CACNA2D3: variants seen among roughly 807,000 people sequenced by gnomAD.
CACNA2D3 encodes the protein voltage-dependent calcium channel subunit alpha-2/delta-3.
CACNA2D3 carries 60 observed loss-of-function variants against 160.6 expected under a neutral mutation model. That is an observed-to-expected ratio of 0.37 (90% CI 0.30 to 0.46). The LOEUF (loss-of-function observed/expected upper bound fraction) is 0.46, where lower values mean the gene tolerates loss of function less well. Among genes scored for constraint, CACNA2D3 ranks in the 20% least tolerant of loss-of-function variants. The pLI is 1.00. For synonymous variants in CACNA2D3, 558 were observed against 492.9 expected (o/e 1.13, Z -1.75); for missense variants, 1,205 against 1,365.0 (o/e 0.88, Z 1.85).
intron 18 of CACNA2D3, among the ~76,000 whole-genome samples, chr3:54,872,940 C>T (rs1192479482): frequency 6.6e-6 from 1 of 152,024 alleles, no homozygotes; most frequent in East Asian, 2.0e-4. Context: ...TGTCCTGCAC[C>T]TAATGTGCCC....
At chr3:54,910,473 T>C (rs1700532316) in intron 27 of CACNA2D3, among the ~76,000 whole-genome samples, 1 of 152,194 alleles carries the variant, frequency 6.6e-6, no homozygotes, top group African/African-American at 2.4e-5. Context: ...TGTCGTGGCC[T>C]ATTAGCAGTG....
intron 13 of CACNA2D3, among the ~76,000 whole-genome samples, chr3:54,782,862 A>G (rs1575472958): frequency 6.6e-6 from 1 of 152,178 alleles, no homozygotes; most frequent in East Asian, 1.9e-4. Flanking sequence ...CTAACGGTGG[A>G]GTAGGGCAGG....
At chr3:54,434,631 C>CT (rs1438382772) in intron 4 of CACNA2D3, among the ~76,000 whole-genome samples, 2 of 152,190 alleles carry the variant, frequency 1.3e-5, no homozygotes, top group African/African-American at 4.8e-5. Flanking sequence ...TGGCAGTCCT[C>CT]TGACAGCATG....
chr3:54,966,817 T>TCAAACAAA (rs113213084), intron 27 of CACNA2D3: 2 of 152,396 alleles, frequency 1.3e-5, no homozygotes, highest in African/African-American at 4.8e-5. Flanking sequence ...AGATTCTGTC[T>TCAAACAAA]CAAACAAACA....
chr3:55,068,399 T>C (rs1260054130), intron 35 of CACNA2D3, among the ~76,000 whole-genome samples: 2 of 152,234 alleles, frequency 1.3e-5, no homozygotes, highest in Non-Finnish European at 2.9e-5. Context: ...AGACACTTCA[T>C]ATGTTCTTCC....
intron 4 of CACNA2D3, among the ~76,000 whole-genome samples, chr3:54,467,304 A>G (rs1700646410): frequency 6.6e-6 from 1 of 152,202 alleles, no homozygotes; most frequent in Non-Finnish European, 1.5e-5. Context: ...TGAACTGTAA[A>G]GTGTGACCAG....
intron 2 of CACNA2D3, among the ~76,000 whole-genome samples, chr3:54,142,162 G>C (rs1395257488): frequency 1.3e-5 from 2 of 152,142 alleles, no homozygotes; most frequent in East Asian, 3.9e-4. Flanking sequence ...CCTTTGTGCT[G>C]CTGTGACCCT....
At chr3:54,317,280 G>C (rs1351123215) in intron 2 of CACNA2D3, among the ~76,000 whole-genome samples, 1 of 152,222 alleles carries the variant, frequency 6.6e-6, no homozygotes, top group Non-Finnish European at 1.5e-5. Context: ...CCACCTCTGA[G>C]GCCAATCCAG....
intron 3 of CACNA2D3, among the ~76,000 whole-genome samples, chr3:54,386,322 C>A (rs1699185309): frequency 6.6e-6 from 1 of 152,106 alleles, no homozygotes; most frequent in African/African-American, 2.4e-5. Flanking sequence ...AGAAAGCTAG[C>A]CCACTTAAAG....
intron 2 of CACNA2D3, among the ~76,000 whole-genome samples, chr3:54,162,855 A>G (rs1335428548): frequency 6.6e-6 from 1 of 152,210 alleles, no homozygotes; most frequent in African/African-American, 2.4e-5. Context: ...ATGGATGAGG[A>G]ACAATGAAAT....
chr3:54,306,985 A>C (rs192251612), intron 2 of CACNA2D3, among the ~76,000 whole-genome samples: 1 of 152,224 alleles, frequency 6.6e-6, no homozygotes, highest in East Asian at 1.9e-4. Flanking sequence ...CCCTGCCGAC[A>C]CAAAGATCAA....
At chr3:54,304,886 T>C (rs901739550) in intron 2 of CACNA2D3, among the ~76,000 whole-genome samples, 4 of 152,188 alleles carry the variant, frequency 2.6e-5, no homozygotes, top group African/African-American at 9.6e-5. Flanking sequence ...TGGAATTTTG[T>C]TGTGGTTCCT....
At chr3:54,618,608 T>C (rs1345505351) in intron 9 of CACNA2D3, among the ~76,000 whole-genome samples, 10 of 152,076 alleles carry the variant, frequency 6.6e-5, no homozygotes, top group Non-Finnish European at 1.5e-4. Context: ...CAAATTTAGG[T>C]GTCCCTGGGG....
intron 34 of CACNA2D3, among the ~76,000 whole-genome samples, chr3:55,016,664 T>A (rs1358600834): frequency 6.6e-6 from 1 of 152,236 alleles, no homozygotes; most frequent in Admixed American, 6.5e-5. Context: ...CCTGTGAGGT[T>A]ACTATAGACA....
intron 3 of CACNA2D3, among the ~76,000 whole-genome samples, chr3:54,366,892 C>T (rs572370760): frequency 6.6e-6 from 1 of 152,288 alleles, no homozygotes; most frequent in East Asian, 1.9e-4. Context: ...TTAGAAATGG[C>T]TACAATGCTC....
chr3:54,165,470 C>A (rs1700433992), intron 2 of CACNA2D3, among the ~76,000 whole-genome samples: 3 of 152,064 alleles, frequency 2.0e-5, no homozygotes, highest in Admixed American at 2.0e-4. Flanking sequence ...GACAGCTTCA[C>A]TTCCTCTGAA....
chr3:54,368,693 C>CTTT (rs33976949), intron 3 of CACNA2D3, among the ~76,000 whole-genome samples: 7,017 of 71,514 alleles, frequency 0.098, 2,017 homozygotes, highest in Non-Finnish European at 0.14. Context: ...GGGTAGGGTT[C>CTTT]TTTTTTTTTT....
chr3:54,180,010 A>G (rs552540885), intron 2 of CACNA2D3, among the ~76,000 whole-genome samples: 40 of 151,548 alleles, frequency 2.6e-4, no homozygotes, highest in African/African-American at 9.2e-4. Flanking sequence ...AATTTCTGAG[A>G]AGGTTTCATT....
chr3:54,480,034 T>A lies in CACNA2D3; in HGVS notation c.382-23458T>A, dbSNP rs376828220. 2.6e-5 allele frequency among the ~76,000 whole-genome samples: 4 copies of A among 152,120 alleles called. No individual in the cohort carries two copies. The East Asian group carries it at 5.8e-4, about 22-fold the overall frequency. On this transcript the variant is annotated intron_variant, in intron 4 of 37. Transcript: ENST00000474759. Reference sequence around the variant, plus strand: ...GGAAATTGCTCATCCCCAAACTCCATGTGCCTGCACATGCTCACACAAGTC... The same window carrying A: ...GGAAATTGCTCATCCCCAAACTCCAAGTGCCTGCACATGCTCACACAAGTC...
Sources: allele counts gnomAD v4.1 joint callset (sites outside exome capture counted in the v4.1 genomes callset), GRCh38; gene constraint gnomAD v4.1.1; transcripts MANE v1.5; gene names NCBI Gene and HGNC (gene_info 2026-07-23, HGNC 2026-07-21).